Variants in FAM81A observed in about 807,000 individuals in gnomAD.
The protein encoded by FAM81A is protein FAM81A.
A neutral mutation model predicts 46.7 loss-of-function variants in FAM81A; 19 were observed. The ratio of observed to expected loss-of-function variants is 0.41; its 90% CI spans 0.28 to 0.60. The LOEUF is 0.60. Ranked by LOEUF, FAM81A falls within the 20% of genes least tolerant of loss-of-function variation. The probability of loss-of-function intolerance (pLI) is 0.34; values close to 1 mark genes in which losing one functional copy is unlikely to be tolerated. For synonymous variants in FAM81A, 183 were observed against 152.9 expected, an observed-to-expected ratio of 1.20 and a Z score of -1.45; for missense variants, 377 against 453.5, an observed-to-expected ratio of 0.83 and a Z score of 1.53.
At chr15:59,422,689 G>A (rs2081179331) in intron 2 of FAM81A, among the ~76,000 whole-genome samples, 1 of 152,066 alleles carries the variant, frequency 6.6e-6, no homozygotes, top group Admixed American at 6.6e-5. Context: ...TGTTAACCAG[G>A]ATGGTCTCAA....
At chr15:59,513,906 A>G (rs2082239546) in intron 6 of FAM81A, among the ~76,000 whole-genome samples, 1 of 152,246 alleles carries the variant, frequency 6.6e-6, no homozygotes, top group Non-Finnish European at 1.5e-5. Context: ...ATAAAAAGGA[A>G]TGAGATCATG....
At chr15:59,440,785 G>T (rs780109557) in intron 1 of FAM81A, among the ~76,000 whole-genome samples, 4 of 152,138 alleles carry the variant, frequency 2.6e-5, no homozygotes, top group Non-Finnish European at 5.9e-5. Context: ...TCCACTTGGG[G>T]CATGTAAGTT....
At chr15:59,467,573 T>C (rs1040006185) in intron 3 of FAM81A, among the ~76,000 whole-genome samples, 1 of 152,266 alleles carries the variant, frequency 6.6e-6, no homozygotes. Context: ...CCTGAGACTT[T>C]CCTGAAGTTG....
chr15:59,475,601 G>C (rs2081756792), intron 3 of FAM81A, among the ~76,000 whole-genome samples: 1 of 152,108 alleles, frequency 6.6e-6, no homozygotes, highest in African/African-American at 2.4e-5. Flanking sequence ...ATGTATTTTT[G>C]GAGTGTGCAA....
rs745791578 is a variant in FAM81A, at chr15:59,521,233, G to A, written c.983-21G>A. Reference sequence around the variant, plus strand: ...TTTTAAAAAAATTGTTAACTGTTGTGAAATTTACCTCTCCTTCAAGGGTTT... The same window carrying A: ...TTTTAAAAAAATTGTTAACTGTTGTAAAATTTACCTCTCCTTCAAGGGTTT... On this transcript the variant is annotated intron_variant, in intron 8 of 8. Transcript: ENST00000288228. 17 of 1,597,472 alleles carry A rather than the reference G, an allele frequency of 1.1e-5. No individual in the cohort carries two copies. In the Admixed American group the frequency reaches 3.1e-4, roughly 29 times the overall value.
At chr15:59,402,499 G>A (rs1238932378) in intron 2 of FAM81A, 2 of 152,152 alleles carry the variant, frequency 1.3e-5, no homozygotes, top group African/African-American at 2.4e-5. Context: ...TCCCTTACAT[G>A]TGTTTGGCTT....
At chr15:59,468,964 T>C (rs894895511) in intron 3 of FAM81A, among the ~76,000 whole-genome samples, 11 of 152,244 alleles carry the variant, frequency 7.2e-5, no homozygotes, top group Non-Finnish European at 1.6e-4. Context: ...CATTTTGTTA[T>C]GTACCCAGTA....
At chr15:59,403,227 AC>A (rs1383179543) in intron 2 of FAM81A, among the ~76,000 whole-genome samples, 13 of 150,660 alleles carry the variant, frequency 8.6e-5, no homozygotes, top group African/African-American at 2.9e-4. Context: ...CCCATCCCAC[AC>A]CCCCACATTC....
chr15:59,419,832 C>T (rs1392579465), intron 2 of FAM81A, among the ~76,000 whole-genome samples: 3 of 150,236 alleles, frequency 2.0e-5, no homozygotes, highest in Non-Finnish European at 4.5e-5. Context: ...GAGCCGAGAT[C>T]ACACCACTGT....
chr15:59,473,050 G>C (rs930292881), intron 3 of FAM81A, among the ~76,000 whole-genome samples: 1 of 152,114 alleles, frequency 6.6e-6, no homozygotes, highest in African/African-American at 2.4e-5. Context: ...GATTTATCAA[G>C]AGACTGATAG....
At chr15:59,401,544 C>A in intron 1 of FAM81A, 2 of 759,394 alleles carry the variant, frequency 2.6e-6, no homozygotes, top group Non-Finnish European at 4.8e-6. Flanking sequence ...ACAAAGCAGA[C>A]ATTAGTAACC....
chr15:59,512,341 G>A (rs1387686094), intron 6 of FAM81A, among the ~76,000 whole-genome samples: 3 of 151,746 alleles, frequency 2.0e-5, no homozygotes, highest in Admixed American at 1.3e-4. Flanking sequence ...GCATGGTGGT[G>A]CGCGCCTGTA....
chr15:59,494,411 C>G (rs2082013239), intron 4 of FAM81A, among the ~76,000 whole-genome samples: 1 of 152,166 alleles, frequency 6.6e-6, no homozygotes, highest in Non-Finnish European at 1.5e-5. Flanking sequence ...GGCCTGCAAC[C>G]AGTGGTGGCT....
intron 3 of FAM81A, among the ~76,000 whole-genome samples, chr15:59,464,712 A>AAT (rs1298337781): frequency 1.3e-5 from 2 of 152,174 alleles, no homozygotes; most frequent in African/African-American, 4.8e-5. Context: ...TCTGGATATT[A>AAT]ATCCCCTATT....
chr15:59,401,352 CT>C, intron 1 of FAM81A: 2 of 789,986 alleles, frequency 2.5e-6, no homozygotes, highest in Non-Finnish European at 4.7e-6. Context: ...ATGGCAGTAC[CT>C]TTGGTAATAA....
intron 2 of FAM81A, among the ~76,000 whole-genome samples, chr15:59,459,096 A>G (rs1428044746): frequency 1.3e-5 from 2 of 152,170 alleles, no homozygotes; most frequent in Non-Finnish European, 2.9e-5. Flanking sequence ...TCCTGGGCTT[A>G]GGTGATCTCC....
chr15:59,398,225 G>T (rs1477693739), intron 1 of FAM81A, among the ~76,000 whole-genome samples: 1 of 152,196 alleles, frequency 6.6e-6, no homozygotes, highest in African/African-American at 2.4e-5. Flanking sequence ...AAGAAGAAGA[G>T]TGTCAACTCT....
Position 59,414,343 on chromosome 15 carries a change from T to C in FAM81A, c.-78+11985T>C, listed in dbSNP as rs1398073238. Among the ~76,000 whole-genome samples, 3 of 152,222 alleles carry C rather than the reference T, an allele frequency of 2.0e-5. No individual in the cohort carries two copies. In the East Asian group the frequency reaches 5.8e-4, roughly 29 times the overall value. On this transcript the variant is annotated intron_variant, in intron 2 of 4. Coordinates refer to the FAM81A transcript ENST00000558348. ...TCCGTGGGTTTCATAGCTGAGTCCA[T>C]GAAATGAACTGACAACAGGCAGATT... is the stretch of plus-strand genomic sequence containing the variant.
At chr15:59,510,227 A>G (rs1408415726) in intron 6 of FAM81A, among the ~76,000 whole-genome samples, 1 of 151,986 alleles carries the variant, frequency 6.6e-6, no homozygotes, top group Non-Finnish European at 1.5e-5. Flanking sequence ...TTAGCCAGGC[A>G]TGGTGGCACA....
Sources: allele counts gnomAD v4.1 joint callset (sites outside exome capture counted in the v4.1 genomes callset), GRCh38; gene constraint gnomAD v4.1.1; transcripts MANE v1.5; gene names NCBI Gene and HGNC (gene_info 2026-07-23, HGNC 2026-07-21).